Variants in CHMP4C observed in about 807,000 individuals in gnomAD.
The protein encoded by CHMP4C is SNF7 homolog associated with Alix 3.
Under a neutral mutation model 29.0 loss-of-function variants are expected in CHMP4C, and 28 were observed. The ratio of observed to expected loss-of-function variants is 0.97; its 90% CI spans 0.72 to 1.32. The LOEUF (loss-of-function observed/expected upper bound fraction) is 1.32. Ranked by LOEUF, CHMP4C falls within the 40% of genes most tolerant of loss-of-function variation. The pLI, the probability that CHMP4C is intolerant of heterozygous loss-of-function variation, is 0.00. For synonymous variants in CHMP4C, 106 were observed against 102.4 expected, an observed-to-expected ratio of 1.04 and a Z score of -0.21; for missense variants, 291 against 281.0, an observed-to-expected ratio of 1.04 and a Z score of -0.25.
intron 3 of CHMP4C, among the ~76,000 whole-genome samples, chr8:81,756,516 C>T (rs1309426644): frequency 6.6e-6 from 1 of 152,160 alleles, no homozygotes; most frequent in African/African-American, 2.4e-5. Context: ...TTGTTAAAAA[C>T]TTTGTGTAAG....
At chr8:81,747,445 C>T (rs1440253557) in intron 1 of CHMP4C, among the ~76,000 whole-genome samples, 2 of 151,860 alleles carry the variant, frequency 1.3e-5, no homozygotes, top group Non-Finnish European at 2.9e-5. Flanking sequence ...AAGACATGCA[C>T]TCTGAAGATT....
rs999960734 is a variant in CHMP4C at position 81,746,466 on chromosome 8, GT to G, written c.191-6597del. Among the ~76,000 whole-genome samples the G allele has an allele frequency of 3.3e-4, 51 of 152,292 alleles. 1 individual carries two copies. Among genetic ancestry groups the G allele is most frequent in the African/African-American group, 1.2e-3 (51 of 41,566 alleles). Reference sequence around the variant, plus strand: ...TCTTGACTCCCTTATACTGAGGCCAGTGTCTGTTGCTCTGTATTGCCACCAT... The same window carrying G: ...TCTTGACTCCCTTATACTGAGGCCAGGTCTGTTGCTCTGTATTGCCACCAT... On this transcript the variant is annotated intron_variant, in intron 1 of 4. Transcript: ENST00000297265.
At chr8:81,756,432 G>A (rs1159375336) in intron 3 of CHMP4C, among the ~76,000 whole-genome samples, 2 of 152,204 alleles carry the variant, frequency 1.3e-5, no homozygotes, top group African/African-American at 4.8e-5. Context: ...ATGTAGACTA[G>A]TAAGCATCTA....
intron 2 of CHMP4C, 80 bp from the exon 3 acceptor site, chr8:81,755,290 G>A: frequency 4.7e-6 from 3 of 633,176 alleles, no homozygotes; most frequent in Non-Finnish European, 7.8e-6. Flanking sequence ...TAAATGAACT[G>A]ACTTTTTATA....
At chr8:81,744,966 C>A (rs1808804330) in intron 1 of CHMP4C, among the ~76,000 whole-genome samples, 1 of 152,192 alleles carries the variant, frequency 6.6e-6, no homozygotes, top group South Asian at 2.1e-4. Flanking sequence ...TTAAAATTTT[C>A]TATTTCCCCA....
chr8:81,754,338 T>A (rs1201481493), intron 2 of CHMP4C, among the ~76,000 whole-genome samples: 1 of 152,158 alleles, frequency 6.6e-6, no homozygotes, highest in East Asian at 1.9e-4. Flanking sequence ...AGGCCCAAAG[T>A]TGAGCCATAC....
intron 1 of CHMP4C, among the ~76,000 whole-genome samples, chr8:81,737,441 A>T (rs1028942356): frequency 1.3e-5 from 2 of 152,192 alleles, no homozygotes; most frequent in African/African-American, 4.8e-5. Context: ...ATATCTCAGC[A>T]CACTGCAGAA....
chr8:81,758,241 G>A lies in CHMP4C; in HGVS notation c.583G>A (p.Ala195Thr). ...AAATGTGCCTTCCTCTTCTCTCCCA[G>A]CACAGCCAAATAGAAAACCAGGCAT... ...LPNVPSSSLPAQPNRKPGMSS... is the reference protein window; with the variant it reads ...LPNVPSSSLPTQPNRKPGMSS... Residue 195 changes from alanine (A) to threonine (T), a missense_variant, in exon 4 of 5, where the codon GCA becomes ACA. By Grantham distance (58) the Ala-to-Thr change is moderately conservative. Coordinates refer to ENST00000297265, the MANE Select transcript of CHMP4C (RefSeq NM_152284.4). 1 of 1,613,934 alleles carries A rather than the reference G, an allele frequency of 6.2e-7. No homozygotes were observed. The highest frequency in any genetic ancestry group is 1.7e-5 in the Admixed American group (1 of 59,964).
At chr8:81,739,713 C>T (rs1217058300) in intron 1 of CHMP4C, among the ~76,000 whole-genome samples, 1 of 152,222 alleles carries the variant, frequency 6.6e-6, no homozygotes, top group East Asian at 1.9e-4. Flanking sequence ...TTTTCTGAGC[C>T]ATTGCAAGGA....
chr8:81,734,016 C>T (rs1456222780), intron 1 of CHMP4C, among the ~76,000 whole-genome samples: 1 of 152,164 alleles, frequency 6.6e-6, no homozygotes, highest in Non-Finnish European at 1.5e-5. Context: ...TTACCACCAA[C>T]AATAAGAAGG....
At chr8:81,739,032 T>C (rs914496853) in intron 1 of CHMP4C, among the ~76,000 whole-genome samples, 12 of 151,978 alleles carry the variant, frequency 7.9e-5, no homozygotes, top group African/African-American at 2.7e-4. Flanking sequence ...TCCTCTATCA[T>C]CACTCAGATA....
At chr8:81,732,960 C>A in intron 1 of CHMP4C, 144 bp downstream of exon 1, 1 of 706,538 alleles carries the variant, frequency 1.4e-6, no homozygotes, top group Non-Finnish European at 2.3e-6. Flanking sequence ...ACTCTTAGGG[C>A]ACTGACTAGG....
intron 3 of CHMP4C, among the ~76,000 whole-genome samples, chr8:81,756,503 C>A (rs962148594): frequency 6.6e-6 from 1 of 152,148 alleles, no homozygotes; most frequent in Non-Finnish European, 1.5e-5. Context: ...TGGGCTCTAT[C>A]ATTTGTTAAA....
intron 1 of CHMP4C, among the ~76,000 whole-genome samples, chr8:81,744,808 G>A (rs1196009482): frequency 6.6e-6 from 1 of 152,082 alleles, no homozygotes. Context: ...TTATTTCTTT[G>A]TCCCTCCAGT....
intron 1 of CHMP4C, among the ~76,000 whole-genome samples, chr8:81,749,594 G>C (rs1808870930): frequency 6.6e-6 from 1 of 152,194 alleles, no homozygotes; most frequent in African/African-American, 2.4e-5. Flanking sequence ...TTGGTATAAA[G>C]GGTGGAGCTC....
At chr8:81,755,678 G>A (rs1462121824) in intron 3 of CHMP4C, among the ~76,000 whole-genome samples, 194 bp downstream of exon 3, 1 of 152,154 alleles carries the variant, frequency 6.6e-6, no homozygotes, top group Non-Finnish European at 1.5e-5. Flanking sequence ...GGCAAACAGT[G>A]GCCTGATTAA....
chr8:81,740,996 T>C (rs750480500), intron 1 of CHMP4C, among the ~76,000 whole-genome samples: 14 of 152,236 alleles, frequency 9.2e-5, no homozygotes, highest in Non-Finnish European at 1.8e-4. Context: ...TTCATAGCTA[T>C]GAACTCATAT....
chr8:81,744,858 A>G (rs944658288), intron 1 of CHMP4C, among the ~76,000 whole-genome samples: 1 of 152,180 alleles, frequency 6.6e-6, no homozygotes, highest in Non-Finnish European at 1.5e-5. Context: ...TCTTTAATAC[A>G]TACTTGTTAA....
rs1378275983 is a variant in CHMP4C at position 81,758,215 on chromosome 8, C to T, written c.557C>T (p.Pro186Leu). Residue 186 changes from proline (P) to leucine (L), a missense_variant, in exon 4 of 5, where the codon CCA becomes CTA. Transcript: ENST00000297265. ...LNKKMTNIRL[P>L]NVPSSSLPAQ... is the part of the protein sequence containing the mutation. ...AAGAAGATGACAAATATCCGCCTTC[C>T]AAATGTGCCTTCCTCTTCTCTCCCA... 1.2e-6 allele frequency: 2 copies of T among 1,613,808 alleles called. No individual in the cohort carries two copies. Among genetic ancestry groups the T allele is most frequent in the South Asian group, 2.2e-5 (2 of 91,074 alleles).
Sources: gnomAD v4.1 joint callset for allele counts (sites outside exome capture counted in the v4.1 genomes callset) on GRCh38, gnomAD v4.1.1 for gene constraint, MANE v1.5 for transcripts, NCBI Gene and HGNC (gene_info 2026-07-23, HGNC 2026-07-21) for gene names.